The following PLEKHA4 variants were observed in gnomAD, a reference collection of about 807,000 sequenced individuals.
PLEKHA4 encodes the protein pleckstrin homology domain-containing family A member 4.
In PLEKHA4, 73 loss-of-function variants were observed where a neutral mutation model predicts 94.7. That is an observed-to-expected ratio of 0.77 (90% CI 0.64 to 0.94). PLEKHA4 has a LOEUF of 0.94. Among genes scored for constraint, PLEKHA4 ranks in the 40% least tolerant of loss-of-function variants. PLEKHA4 has a pLI of 0.00. For missense variants in PLEKHA4, 1,049 were observed against 1,054.1 expected, an observed-to-expected ratio of 1.00 and a Z score of 0.07; for synonymous variants, 449 against 437.1, an observed-to-expected ratio of 1.03 and a Z score of -0.34.
chr19:48,861,957 C>T (rs561708661), intron 3 of PLEKHA4, among the ~76,000 whole-genome samples: 2 of 151,748 alleles, frequency 1.3e-5, no homozygotes, highest in South Asian at 4.2e-4. Context: ...GAAACCCCAT[C>T]TCTACTACTA....
chr19:48,859,236 A>G (rs1381820792), intron 7 of PLEKHA4, 97 bp from the exon 8 acceptor site: 4 of 997,378 alleles, frequency 4.0e-6, no homozygotes, highest in Non-Finnish European at 4.4e-6. Flanking sequence ...GTCTCACTTC[A>G]CTGTGTCTTA....
chr19:48,853,549 A>G, intron 12 of PLEKHA4, 133 bp downstream of exon 12: 1 of 1,014,014 alleles, frequency 9.9e-7, no homozygotes, highest in Non-Finnish European at 1.3e-6. Flanking sequence ...GGAGAGAGAA[A>G]AAATAATAAA....
intron 14 of PLEKHA4, among the ~76,000 whole-genome samples, chr19:48,847,306 C>T (rs116998450): frequency 0.019 from 2,852 of 152,138 alleles, 182 homozygotes; most frequent in Admixed American, 0.12. Context: ...CATGATGGCA[C>T]GAGCCTGCGG....
chr19:48,862,704 G>C (rs369509477), intron 3 of PLEKHA4, among the ~76,000 whole-genome samples: 1 of 151,542 alleles, frequency 6.6e-6, no homozygotes, highest in East Asian at 1.9e-4. Context: ...TAGTAGAGAC[G>C]GGGTTTCACC....
intron 14 of PLEKHA4, among the ~76,000 whole-genome samples, 189 bp downstream of exon 14, chr19:48,847,711 G>C (rs1416935166): frequency 6.6e-6 from 1 of 152,162 alleles, no homozygotes; most frequent in Non-Finnish European, 1.5e-5. Context: ...CAGCCTGGAT[G>C]ACAGAGTGAG....
At chr19:48,853,585 C>T (rs1263259645) in intron 12 of PLEKHA4, 97 bp downstream of exon 12, 72 of 1,226,980 alleles carry the variant, frequency 5.9e-5, no homozygotes, top group Non-Finnish European at 7.1e-5. Context: ...TTCTGAAGAA[C>T]GATCTTCCTA....
In PLEKHA4 at chr19:48,837,709, G is replaced by A. The variant is rs2035590242; in HGVS notation, c.2078-158C>T. Among the ~76,000 whole-genome samples, 1 of 150,876 alleles carries A rather than the reference G, an allele frequency of 6.6e-6. No individual in the cohort carries two copies. On this transcript the variant is annotated intron_variant, in intron 19 of 19. Transcript: ENST00000263265. This position sits in a 1 kb window ranked among gnomAD's most constrained non-coding sequence, Gnocchi z 4.3. ...CCAGCCCCTCCTCCCTCAGACCCAGGAGTCCAGGCCCCCAGCCCCTCCTCC... is the reference window on the plus strand; with the variant it reads ...CCAGCCCCTCCTCCCTCAGACCCAGAAGTCCAGGCCCCCAGCCCCTCCTCC...
chr19:48,861,266 G>A, intron 5 of PLEKHA4, 135 bp downstream of exon 5: 1 of 796,494 alleles, frequency 1.3e-6, no homozygotes, highest in Non-Finnish European at 2.2e-6. Flanking sequence ...TGCAATTGAC[G>A]CTTGTCAAGA....
intron 6 of PLEKHA4, 119 bp downstream of exon 6, chr19:48,860,231 C>A: frequency 3.6e-6 from 3 of 828,852 alleles, no homozygotes; most frequent in Non-Finnish European, 5.8e-6. Context: ...GACGAGGCGC[C>A]TTAGCTAGAA....
intron 9 of PLEKHA4, among the ~76,000 whole-genome samples, chr19:48,854,710 T>G (rs1289856385): frequency 7.1e-6 from 1 of 141,554 alleles, no homozygotes; most frequent in East Asian, 2.0e-4. Flanking sequence ...TTTTTTTTTT[T>G]TTTTTTTTTT....
chr19:48,856,917 G>GAAA (rs1331180756), intron 9 of PLEKHA4, among the ~76,000 whole-genome samples: 1 of 111,044 alleles, frequency 9.0e-6, no homozygotes, highest in African/African-American at 4.4e-5. Flanking sequence ...AAAAAAAAAA[G>GAAA]AAAGAAAGAA....
At chr19:48,854,134 T>C (rs766388918) in intron 10 of PLEKHA4, 47 bp from the exon 11 acceptor site, 2 of 1,613,134 alleles carry the variant, frequency 1.2e-6, no homozygotes, top group South Asian at 2.2e-5. Context: ...ATCTGGCTCT[T>C]CCCCTGCCGC....
At chr19:48,840,424 CTTT>C (rs113285383) in intron 17 of PLEKHA4, among the ~76,000 whole-genome samples, 11 of 130,846 alleles carry the variant, frequency 8.4e-5, no homozygotes, top group Non-Finnish European at 8.2e-5. Flanking sequence ...AAGAAAACAT[CTTT>C]TTTTTTTTTT....
chr19:48,851,711 T>C (rs961727146), intron 13 of PLEKHA4, among the ~76,000 whole-genome samples: 1 of 151,828 alleles, frequency 6.6e-6, no homozygotes, highest in African/African-American at 2.4e-5. Context: ...TCCCAGCACT[T>C]TGGGAGGCCG....
intron 14 of PLEKHA4, among the ~76,000 whole-genome samples, chr19:48,845,826 C>T (rs531461917): frequency 1.7e-4 from 26 of 151,080 alleles, no homozygotes; most frequent in Middle Eastern, 3.4e-3. Context: ...CTTAGTCCAA[C>T]GTAGTGAAAA....
chr19:48,848,065 A>T (rs2036036399), intron 13 of PLEKHA4, 25 bp from the exon 14 acceptor site: 10 of 1,611,654 alleles, frequency 6.2e-6, no homozygotes, highest in Non-Finnish European at 8.5e-6. Flanking sequence ...GGAATTTGTT[A>T]CTTAAAGGTG....
At position 48,867,947 on chromosome 19, in the gene PLEKHA4, C is replaced by T. The variant is rs945368424; in HGVS notation, c.-7+136G>A. 20 of 292,024 alleles carry T rather than the reference C, an allele frequency of 6.8e-5. No individual in the cohort carries two copies. The highest frequency in any genetic ancestry group is 2.8e-4 in the African/African-American group (13 of 46,754). 18.1% of individuals were successfully genotyped at this position (292,024 alleles called of 1,614,324 possible). A position where few individuals can be genotyped will look rare whatever the true frequency, so the allele number is the denominator to read the frequency against. ...GGACTCCCCATTCCCTGCCTCCTTC[C>T]GGCTGCCCCAGGCTACCTGTCTCCC... On this transcript the variant is annotated intron_variant, in intron 1 of 19. Coordinates refer to ENST00000263265, the MANE Select transcript of PLEKHA4 (RefSeq NM_020904.3). The surrounding 1 kb of genome is among the most constrained non-coding windows in gnomAD (Gnocchi z 4.7).
In PLEKHA4 at chr19:48,837,285, C is replaced by A. The variant is rs776086559; in HGVS notation, c.*4G>T. 1.2e-6 allele frequency: 2 copies of A among 1,613,948 alleles called. No homozygotes were observed. The highest frequency in any genetic ancestry group is 1.7e-6 in the Non-Finnish European group (2 of 1,180,016). ...GCTCCGATTGGCTGCCGCTTTTGGG[C>A]GGATTAGAAGCTGGATTGTAGCAGA... On this transcript the variant is annotated 3_prime_UTR_variant, in exon 20 of 20. Coordinates refer to ENST00000263265, the MANE Select transcript of PLEKHA4 (RefSeq NM_020904.3). This position sits in a 1 kb window ranked among gnomAD's most constrained non-coding sequence, Gnocchi z 4.3.
At position 48,855,815 on chromosome 19, in the gene PLEKHA4, T is replaced by A. The variant is rs564730721; in HGVS notation, c.1048-1551A>T. On this transcript the variant is annotated intron_variant, in intron 9 of 19. Transcript: ENST00000263265. The stretch of plus-strand genomic sequence containing the variant: ...AGAAAATAAATAATTTTTTTTAATT[T>A]AAAAAAAAACAAAAAACAGCCTGGG... 2.5e-3 allele frequency among the ~76,000 whole-genome samples: 374 copies of A among 147,678 alleles called. 2 individuals carry two copies. The highest frequency in any genetic ancestry group is 8.2e-3 in the African/African-American group (330 of 40,210).
Sources: gnomAD v4.1 joint callset for allele counts (sites outside exome capture counted in the v4.1 genomes callset) on GRCh38, gnomAD v4.1.1 for gene constraint, Gnocchi (gnomAD v3.1) non-coding constraint, MANE v1.5 for transcripts, NCBI Gene and HGNC (gene_info 2026-07-23, HGNC 2026-07-21) for gene names.